The following NBAS variants were observed in gnomAD, a reference collection of about 807,000 sequenced individuals.
The protein encoded by NBAS is NAG/BC035112 fusion.
Under a neutral mutation model 302.5 loss-of-function variants are expected in NBAS, and 219 were observed. The ratio of observed to expected loss-of-function variants is 0.72; its 90% CI spans 0.65 to 0.81. NBAS has a LOEUF of 0.81. Among genes scored for constraint, NBAS ranks in the 30% least tolerant of loss-of-function variants. The pLI is 0.00. For missense variants in NBAS, 2,932 were observed against 2,841.6 expected (o/e 1.03, Z -0.72); for synonymous variants, 1,118 against 1,021.6 (o/e 1.09, Z -1.80).
intron 35 of NBAS, among the ~76,000 whole-genome samples, chr2:15,346,653 T>C (rs1195254498): frequency 6.6e-6 from 1 of 152,170 alleles, no homozygotes; most frequent in Non-Finnish European, 1.5e-5. Flanking sequence ...CATTACTCAG[T>C]ATATACTCAA....
chr2:15,265,871 C>T (rs1669052959), intron 44 of NBAS, among the ~76,000 whole-genome samples: 1 of 152,146 alleles, frequency 6.6e-6, no homozygotes, highest in Admixed American at 6.5e-5. Context: ...CAGGGTAAGT[C>T]CAAGAAAAGC....
intron 51 of NBAS, among the ~76,000 whole-genome samples, chr2:15,176,255 A>T (rs963217368): frequency 1.3e-5 from 2 of 152,242 alleles, no homozygotes; most frequent in Non-Finnish European, 2.9e-5. Context: ...ATGATTAATT[A>T]CAGTGATTTC....
At chr2:15,231,096 C>T (rs915260324) in intron 47 of NBAS, among the ~76,000 whole-genome samples, 2 of 152,208 alleles carry the variant, frequency 1.3e-5, no homozygotes, top group Admixed American at 6.5e-5. Flanking sequence ...CTGTGAGCTC[C>T]TTGGGGTTAG....
the NBAS span, among the ~76,000 whole-genome samples, chr2:14,917,306 G>A: frequency 6.6e-6 from 1 of 152,144 alleles, no homozygotes; most frequent in Non-Finnish European, 1.5e-5. Flanking sequence ...TTCTTCAAAG[G>A]GTTTTGGACT....
chr2:15,412,890 T>C (rs573867831), intron 25 of NBAS, among the ~76,000 whole-genome samples: 2 of 152,272 alleles, frequency 1.3e-5, no homozygotes, highest in Middle Eastern at 6.8e-3. Flanking sequence ...TACTTCTACA[T>C]AAACGCTTGC....
At chr2:15,056,673 G>A in the NBAS span, among the ~76,000 whole-genome samples, 1 of 152,188 alleles carries the variant, frequency 6.6e-6, no homozygotes, top group Non-Finnish European at 1.5e-5. Flanking sequence ...TCAAAGGCAG[G>A]AAGGAACTCC....
the NBAS span, among the ~76,000 whole-genome samples, chr2:15,073,796 C>A: frequency 6.6e-6 from 1 of 152,034 alleles, no homozygotes; most frequent in African/African-American, 2.4e-5. Flanking sequence ...CAGATAACAC[C>A]AATACATTCT....
At chr2:15,227,304 A>G (rs375764802) in intron 47 of NBAS, among the ~76,000 whole-genome samples, 9 of 152,198 alleles carry the variant, frequency 5.9e-5, no homozygotes, top group African/African-American at 2.2e-4. Flanking sequence ...CCAAGGAGGT[A>G]AAAGACCTCT....
At chr2:15,521,380 C>T (rs1292410752) in intron 9 of NBAS, among the ~76,000 whole-genome samples, 1 of 152,166 alleles carries the variant, frequency 6.6e-6, no homozygotes, top group African/African-American at 2.4e-5. Context: ...ACATTCCATT[C>T]ATACAGTTGT....
At chr2:15,059,962 A>AC in the NBAS span, among the ~76,000 whole-genome samples, 462 of 139,470 alleles carry the variant, frequency 3.3e-3, no homozygotes, top group Non-Finnish European at 4.1e-3. Flanking sequence ...AAAAAAAAAA[A>AC]ACAAAAAAAA....
At chr2:15,024,153 C>A in the NBAS span, among the ~76,000 whole-genome samples, 98 of 152,006 alleles carry the variant, frequency 6.4e-4, 1 homozygote, top group African/African-American at 2.3e-3. Flanking sequence ...GCCTCAGTGT[C>A]TGTTGTTCAC....
the NBAS span, among the ~76,000 whole-genome samples, chr2:14,869,118 C>T: frequency 6.6e-6 from 1 of 152,122 alleles, no homozygotes; most frequent in Non-Finnish European, 1.5e-5. Flanking sequence ...AATAAATAAG[C>T]AAGTTTTACA....
chr2:15,423,748 A>C (rs540230963), intron 23 of NBAS, among the ~76,000 whole-genome samples: 1 of 152,370 alleles, frequency 6.6e-6, no homozygotes, highest in Non-Finnish European at 1.5e-5. Flanking sequence ...GGTCCGAGTC[A>C]CAAAGTCTAT....
chr2:14,919,578 T>C, the NBAS span, among the ~76,000 whole-genome samples: 3 of 152,250 alleles, frequency 2.0e-5, no homozygotes, highest in Admixed American at 6.5e-5. Flanking sequence ...TTAGCCACAG[T>C]AGAATTTCTT....
rs774561721 is a variant in NBAS at position 15,351,995 on chromosome 2, T to C, written c.4176A>G (p.Gln1392=). 6.2e-7 allele frequency: 1 copy of C among 1,606,710 alleles called. No individual in the cohort carries two copies. The change falls in exon 35 of 52, where the codon CAA becomes CAG. Residue 1392 remains glutamine (Q), a synonymous_variant. Transcript: ENST00000281513. The part of the protein sequence containing the change: ...SASPLTSKAV[Q]EDEVGVPGSN... ...CCGCTCCCTCATTTTAACTTACCTC[T>C]TGTACTGCTTTACTAGTTAATGGTG... is the stretch of plus-strand genomic sequence containing the variant.
chr2:14,819,577 C>T, the NBAS span, among the ~76,000 whole-genome samples: 7 of 152,156 alleles, frequency 4.6e-5, no homozygotes, highest in Non-Finnish European at 8.8e-5. Flanking sequence ...GGACTTAAGT[C>T]AGATAAAGTA....
At chr2:14,928,711 T>A in the NBAS span, among the ~76,000 whole-genome samples, 1 of 152,108 alleles carries the variant, frequency 6.6e-6, no homozygotes, top group East Asian at 1.9e-4. Flanking sequence ...GTTGCTACAG[T>A]CCAAATCACA....
intron 47 of NBAS, among the ~76,000 whole-genome samples, chr2:15,231,516 C>T (rs1191958813): frequency 1.3e-5 from 2 of 152,106 alleles, no homozygotes; most frequent in Non-Finnish European, 2.9e-5. Flanking sequence ...GCTTTTAGGT[C>T]CTCCTCTGAA....
the NBAS span, among the ~76,000 whole-genome samples, chr2:15,017,765 A>G: frequency 6.6e-6 from 1 of 152,108 alleles, no homozygotes; most frequent in East Asian, 1.9e-4. Context: ...TACAAATAGA[A>G]CTACCATATG....
Sources: gnomAD v4.1 joint callset for allele counts (sites outside exome capture counted in the v4.1 genomes callset) on GRCh38, gnomAD v4.1.1 for gene constraint, MANE v1.5 for transcripts, NCBI Gene and HGNC (gene_info 2026-07-23, HGNC 2026-07-21) for gene names.